The following PDE4D variants were observed in gnomAD, a reference collection of about 807,000 sequenced individuals.
PDE4D encodes phosphodiesterase 4D.
PDE4D carries 24 observed loss-of-function variants against 87.4 expected under a neutral mutation model. The observed-to-expected ratio is 0.27, with a 90% CI of 0.20 to 0.39. The LOEUF (loss-of-function observed/expected upper bound fraction) is 0.39. Ranked by LOEUF, PDE4D falls within the 10% of genes least tolerant of loss-of-function variation. The probability of loss-of-function intolerance (pLI) is 1.00; values close to 1 mark genes in which losing one functional copy is unlikely to be tolerated. For synonymous variants in PDE4D, 384 were observed against 383.2 expected, an observed-to-expected ratio of 1.00 and a Z score of -0.02; for missense variants, 714 against 1,041.0, an observed-to-expected ratio of 0.69 and a Z score of 4.32.
At chr5:60,316,441 T>A (rs1008319978) in intron 1 of PDE4D, among the ~76,000 whole-genome samples, 3 of 152,266 alleles carry the variant, frequency 2.0e-5, no homozygotes, top group Non-Finnish European at 4.4e-5. Context: ...ACAAAGACAA[T>A]TTGATTTCCT....
intron 5 of PDE4D, among the ~76,000 whole-genome samples, chr5:59,161,911 G>T (rs575138452): frequency 1.3e-5 from 2 of 152,296 alleles, no homozygotes; most frequent in South Asian, 4.1e-4. Context: ...GATAATGAGT[G>T]GGGGTAGACC....
intron 3 of PDE4D, among the ~76,000 whole-genome samples, chr5:59,899,155 T>TC (rs1404216155): frequency 6.6e-6 from 1 of 152,206 alleles, no homozygotes; most frequent in Non-Finnish European, 1.5e-5. Context: ...TATGCTTTTT[T>TC]CATCACATTT....
intron 1 of PDE4D, among the ~76,000 whole-genome samples, chr5:59,764,707 G>A (rs536966445): frequency 1.4e-5 from 2 of 138,562 alleles, no homozygotes; most frequent in African/African-American, 2.8e-5. Flanking sequence ...CCAGGCTGGA[G>A]TGCAGTGGCA....
chr5:58,974,798 T>TG lies in PDE4D; in HGVS notation c.2295dup (p.Lys766GlnfsTer12). 1 of 1,613,734 alleles carries TG rather than the reference T, an allele frequency of 6.2e-7. No individual in the cohort carries two copies. Among genetic ancestry groups the TG allele is most frequent in the Non-Finnish European group, 8.5e-7 (1 of 1,179,708 alleles). The stretch of plus-strand genomic sequence containing the variant: ...TCTGAGTCTTGAGTACAAAGAGTCT[T>TG]GGAGTCACTGCAGCTAGTGTCTTCT... On this transcript the variant is annotated frameshift_variant, in exon 15 of 15. Transcript: ENST00000340635. LOFTEE classifies it high-confidence loss of function.
chr5:59,244,367 C>T (rs1758314274), intron 1 of PDE4D, among the ~76,000 whole-genome samples: 1 of 151,766 alleles, frequency 6.6e-6, no homozygotes, highest in Non-Finnish European at 1.5e-5. Context: ...CACTGCACTC[C>T]AGCCTGGGCG....
intron 1 of PDE4D, among the ~76,000 whole-genome samples, chr5:60,382,082 G>C (rs1398508091): frequency 6.6e-6 from 1 of 152,086 alleles, no homozygotes. Flanking sequence ...TTTAAAATCA[G>C]CTGTATTTAT....
intron 1 of PDE4D, among the ~76,000 whole-genome samples, chr5:60,233,589 A>C (rs1746070694): frequency 6.6e-6 from 1 of 151,770 alleles, no homozygotes; most frequent in Non-Finnish European, 1.5e-5. Context: ...GGGAAATTTT[A>C]ACATAATAGA....
Position 60,016,698 on chromosome 5 carries a change from A to T in PDE4D, c.43-27981T>A, listed in dbSNP as rs373259439. ...AGAAATCACTTTCTTGGCTCCCATAAGAAGTAGCTCCTCATCTCTTCAAGT... is the reference window on the plus strand; with the variant it reads ...AGAAATCACTTTCTTGGCTCCCATATGAAGTAGCTCCTCATCTCTTCAAGT... On this transcript the variant is annotated intron_variant, in intron 2 of 16. Transcript: ENST00000502484. 1.1e-3 allele frequency among the ~76,000 whole-genome samples: 174 copies of T among 152,290 alleles called. 1 individual carries two copies. In the Middle Eastern group the frequency reaches 0.014, roughly 12 times the overall value.
At chr5:59,370,958 C>T (rs143839857) in intron 1 of PDE4D, among the ~76,000 whole-genome samples, 35 of 152,308 alleles carry the variant, frequency 2.3e-4, no homozygotes, top group African/African-American at 5.5e-4. Flanking sequence ...TTGTCCAACC[C>T]GTGGCTTGTG....
At chr5:60,337,386 TATAC>T (rs1683239624) in intron 1 of PDE4D, among the ~76,000 whole-genome samples, 1 of 92,126 alleles carries the variant, frequency 1.1e-5, no homozygotes, top group Admixed American at 1.2e-4. Context: ...TATATATATA[TATAC>T]ACACACACAC....
chr5:59,882,032 C>G (rs552052265), intron 1 of PDE4D, among the ~76,000 whole-genome samples: 1 of 152,252 alleles, frequency 6.6e-6, no homozygotes, highest in Admixed American at 6.5e-5. Flanking sequence ...CATGAACATC[C>G]TTCTGTTTCT....
intron 1 of PDE4D, among the ~76,000 whole-genome samples, chr5:59,558,214 A>G (rs2153690505): frequency 6.6e-6 from 1 of 152,320 alleles, no homozygotes; most frequent in East Asian, 1.9e-4. Flanking sequence ...ATTCCAGTCG[A>G]AGGGATATGA....
chr5:59,618,009 ATT>A (rs564519628), intron 1 of PDE4D, among the ~76,000 whole-genome samples: 2 of 147,614 alleles, frequency 1.4e-5, no homozygotes, highest in African/African-American at 5.0e-5. Flanking sequence ...TTATTTTCTG[ATT>A]TTTTTTTTTA....
At chr5:60,483,842 C>A (rs1237440748) in intron 1 of PDE4D, among the ~76,000 whole-genome samples, 1 of 152,134 alleles carries the variant, frequency 6.6e-6, no homozygotes, top group African/African-American at 2.4e-5. Flanking sequence ...TCTATAATTT[C>A]TTCTATCTTT....
intron 11 of PDE4D, among the ~76,000 whole-genome samples, chr5:58,979,712 C>T (rs1744646849): frequency 6.6e-6 from 1 of 152,156 alleles, no homozygotes; most frequent in Admixed American, 6.5e-5. Context: ...GTTACCTCTT[C>T]CATCAAGTCT....
At chr5:60,113,990 T>A (rs553232211) in intron 2 of PDE4D, among the ~76,000 whole-genome samples, 1 of 152,142 alleles carries the variant, frequency 6.6e-6, no homozygotes, top group Non-Finnish European at 1.5e-5. Flanking sequence ...TTTACTGGAA[T>A]GTAGAGTGGC....
intron 1 of PDE4D, among the ~76,000 whole-genome samples, chr5:60,280,542 G>A (rs1029306698): frequency 6.6e-6 from 1 of 152,110 alleles, no homozygotes; most frequent in African/African-American, 2.4e-5. Context: ...AAACAAGAGA[G>A]TAAGAAACAA....
intron 1 of PDE4D, among the ~76,000 whole-genome samples, chr5:59,877,168 A>G (rs937342769): frequency 1.3e-5 from 2 of 152,196 alleles, no homozygotes; most frequent in African/African-American, 4.8e-5. Context: ...AGAAACAAGC[A>G]AAAGAAAGAC....
At position 59,608,314 on chromosome 5, in the gene PDE4D, C is replaced by G. The variant is rs560058053; in HGVS notation, c.455+284854G>C. 2.0e-5 allele frequency among the ~76,000 whole-genome samples: 3 copies of G among 152,290 alleles called. No individual in the cohort carries two copies. The East Asian group carries it at 5.8e-4, about 29-fold the overall frequency. On this transcript the variant is annotated intron_variant, in intron 1 of 14. Transcript: ENST00000340635. ...TATTTAAAGTCACACTTAGCTCACACAGCGCATGCTTCTAGAGAAGAGGAT... is the reference window on the plus strand; with the variant it reads ...TATTTAAAGTCACACTTAGCTCACAGAGCGCATGCTTCTAGAGAAGAGGAT...
Sources: allele counts gnomAD v4.1 joint callset (sites outside exome capture counted in the v4.1 genomes callset), GRCh38; gene constraint gnomAD v4.1.1; transcripts MANE v1.5; gene names NCBI Gene and HGNC (gene_info 2026-07-23, HGNC 2026-07-21).